Variants in VPS13B observed in about 807,000 individuals in gnomAD.
VPS13B encodes vacuolar protein sorting 13 homolog B.
A neutral mutation model predicts 426.4 loss-of-function variants in VPS13B; 285 were observed. That is an observed-to-expected ratio of 0.67 (90% CI 0.61 to 0.74). The LOEUF (loss-of-function observed/expected upper bound fraction) is 0.74. Ranked by LOEUF, VPS13B falls within the 30% of genes least tolerant of loss-of-function variation. VPS13B has a pLI of 0.00. For missense variants in VPS13B, 4,537 were observed against 4,782.6 expected, an observed-to-expected ratio of 0.95 and a Z score of 1.51; for synonymous variants, 1,676 against 1,676.4, an observed-to-expected ratio of 1.00 and a Z score of 0.01.
intron 54 of VPS13B, among the ~76,000 whole-genome samples, chr8:99,845,438 G>A (rs535069703): frequency 2.6e-5 from 4 of 152,184 alleles, no homozygotes; most frequent in Admixed American, 6.5e-5. Flanking sequence ...TCTGCAGGAT[G>A]AGCCTGGGAT....
In VPS13B at chr8:99,778,676, C is replaced by A. The variant is rs1450257467; in HGVS notation, c.7430-6C>A. 1 of 1,612,600 alleles carries A rather than the reference C, an allele frequency of 6.2e-7. No individual in the cohort carries two copies. Among genetic ancestry groups the A allele is most frequent in the African/African-American group, 1.3e-5 (1 of 74,872 alleles). ...TTGCTGTTTTCCTTGTTTGTTTTCT[C>A]AACAGCTGCACCACAGTACCTACAG... is the stretch of plus-strand genomic sequence containing the variant. On this transcript the variant is annotated splice_polypyrimidine_tract_variant and splice_region_variant and intron_variant, in intron 41 of 61. Coordinates refer to ENST00000357162, the MANE Select transcript of VPS13B (RefSeq NM_152564.5).
At chr8:99,767,971 G>A (rs1811309744) in intron 40 of VPS13B, among the ~76,000 whole-genome samples, 1 of 152,098 alleles carries the variant, frequency 6.6e-6, no homozygotes, top group Non-Finnish European at 1.5e-5. Flanking sequence ...CCTCATTTCA[G>A]TTTTTGCCTA....
intron 16 of VPS13B, among the ~76,000 whole-genome samples, chr8:99,185,602 A>C (rs919173083): frequency 1.3e-5 from 2 of 152,196 alleles, no homozygotes; most frequent in South Asian, 2.1e-4. Context: ...TTGGGACTCT[A>C]TATAAATCTT....
rs556444730 is a variant in VPS13B, at chr8:99,553,788, C to T, written c.4746-2662C>T. ...TATTATAAATTACTCTGAATTTTTTCAAATCAAGTATGTCACATATATGTC... is the reference window on the plus strand; with the variant it reads ...TATTATAAATTACTCTGAATTTTTTTAAATCAAGTATGTCACATATATGTC... On this transcript the variant is annotated intron_variant, in intron 30 of 61. Transcript: ENST00000357162. 8.6e-5 allele frequency among the ~76,000 whole-genome samples: 13 copies of T among 151,726 alleles called. No individual in the cohort carries two copies. The South Asian group carries it at 2.5e-3, about 29-fold the overall frequency.
intron 36 of VPS13B, among the ~76,000 whole-genome samples, chr8:99,708,689 A>G (rs904219490): frequency 6.6e-6 from 1 of 152,088 alleles, no homozygotes; most frequent in Non-Finnish European, 1.5e-5. Flanking sequence ...TTTTAAGTTC[A>G]TTTGTTGGGG....
chr8:99,539,495 C>T (rs1823444619), intron 30 of VPS13B, among the ~76,000 whole-genome samples: 1 of 152,096 alleles, frequency 6.6e-6, no homozygotes, highest in African/African-American at 2.4e-5. Flanking sequence ...CCTGTAATTC[C>T]AGCATTTTGG....
intron 21 of VPS13B, among the ~76,000 whole-genome samples, chr8:99,406,539 A>G (rs996551860): frequency 1.3e-5 from 2 of 152,224 alleles, no homozygotes; most frequent in African/African-American, 4.8e-5. Context: ...CTCATGGCAC[A>G]ATTTCACTTC....
intron 31 of VPS13B, among the ~76,000 whole-genome samples, chr8:99,563,868 G>A (rs1251094824): frequency 6.6e-6 from 1 of 152,212 alleles, no homozygotes. Context: ...TTTTAGATCT[G>A]TTGTAGCTTA....
chr8:99,156,423 A>G, intron 14 of VPS13B, 126 bp from the exon 15 acceptor site: 1 of 819,654 alleles, frequency 1.2e-6, no homozygotes, highest in Non-Finnish European at 2.0e-6. Context: ...GTTCTGTAGA[A>G]AGGCATCATT....
At chr8:99,249,422 G>C (rs2132913730) in intron 17 of VPS13B, among the ~76,000 whole-genome samples, 2 of 122,908 alleles carry the variant, frequency 1.6e-5, no homozygotes, top group African/African-American at 6.5e-5. Flanking sequence ...TACGGTAGTT[G>C]AATGGTTTTT....
intron 21 of VPS13B, among the ~76,000 whole-genome samples, chr8:99,408,081 A>G (rs1325736509): frequency 2.0e-5 from 3 of 152,170 alleles, no homozygotes; most frequent in Admixed American, 6.6e-5. Context: ...AAGAGGAAGT[A>G]AAAAAAGACA....
In VPS13B at chr8:99,568,241, G is replaced by GA. The variant is rs36082841; in HGVS notation, c.4950-7409dup. On this transcript the variant is annotated intron_variant, in intron 31 of 61. Transcript: ENST00000357162. ...AAAGTCATTGGATAGTGCTCTTGTTGAAAAAAAAGCCTCTAAATGGATATA... is the reference window on the plus strand; with the variant it reads ...AAAGTCATTGGATAGTGCTCTTGTTGAAAAAAAAAGCCTCTAAATGGATATA... Among the ~76,000 whole-genome samples the GA allele has an allele frequency of 2.1e-4, 32 of 150,190 alleles. 2 individuals carry two copies. The South Asian group carries it at 3.6e-3, about 17-fold the overall frequency.
intron 3 of VPS13B, among the ~76,000 whole-genome samples, chr8:99,056,549 T>C (rs1331927304): frequency 1.3e-5 from 2 of 152,244 alleles, no homozygotes; most frequent in South Asian, 4.1e-4. Context: ...CTAGGACTTC[T>C]AGTACAGTGT....
At chr8:99,306,716 A>G (rs1820656875) in intron 19 of VPS13B, among the ~76,000 whole-genome samples, 1 of 152,062 alleles carries the variant, frequency 6.6e-6, no homozygotes, top group South Asian at 2.1e-4. Flanking sequence ...ATCATCAGCC[A>G]GTTTGTCTTA....
intron 43 of VPS13B, among the ~76,000 whole-genome samples, chr8:99,808,001 C>T (rs563764445): frequency 6.6e-6 from 1 of 151,670 alleles, no homozygotes; most frequent in Non-Finnish European, 1.5e-5. Flanking sequence ...TAACCTGCTT[C>T]CACCAAGACA....
At chr8:99,130,897 T>C (rs541579894) in intron 8 of VPS13B, among the ~76,000 whole-genome samples, 201 of 152,160 alleles carry the variant, frequency 1.3e-3, no homozygotes, top group Non-Finnish European at 2.4e-3. Flanking sequence ...AGCTTTATTA[T>C]AAAGAATGAG....
At chr8:99,544,414 GTAAC>G (rs1823832677) in intron 30 of VPS13B, among the ~76,000 whole-genome samples, 4 of 152,178 alleles carry the variant, frequency 2.6e-5, no homozygotes, top group African/African-American at 9.6e-5. Flanking sequence ...GTATACATAT[GTAAC>G]TAACCTGCAC....
intron 35 of VPS13B, among the ~76,000 whole-genome samples, chr8:99,665,800 G>A (rs936727554): frequency 9.9e-4 from 151 of 152,170 alleles, no homozygotes; most frequent in African/African-American, 3.5e-3. Flanking sequence ...TTGGCGATGC[G>A]GGCTCTTTTT....
Position 99,467,510 on chromosome 8 carries a change from G to A in VPS13B, c.3542G>A (p.Cys1181Tyr). The A allele has an allele frequency of 6.2e-7, 1 of 1,613,734 alleles. No individual in the cohort carries two copies. The highest frequency in any genetic ancestry group is 8.5e-7 in the Non-Finnish European group (1 of 1,179,768). ...CTTTGCCTAGTGGAACCTATGGGTT[G>A]CACCTCCACTCTAGCTGTCACGTCT... ...VTLCLVEPMG[C>Y]TSTLAVTSQK... The change falls in exon 24 of 62, where the codon TGC becomes TAC. Residue 1181 changes from cysteine (C) to tyrosine (Y), a missense_variant. Around this residue, in one of 2 missense-constraint regions of VPS13B, gnomAD observed 4,311 missense variants for 4,474.3 expected, o/e 0.96. Coordinates refer to ENST00000357162, the MANE Select transcript of VPS13B (RefSeq NM_152564.5).
Sources: gnomAD v4.1 joint callset for allele counts (sites outside exome capture counted in the v4.1 genomes callset) on GRCh38, gnomAD v4.1.1 for gene constraint, gnomAD v4.1.1 regional missense constraint, MANE v1.5 for transcripts, NCBI Gene and HGNC (gene_info 2026-07-23, HGNC 2026-07-21) for gene names.